Variants in ACOXL observed in about 807,000 individuals in gnomAD.
ACOXL encodes acyl-coenzyme A oxidase-like protein.
In ACOXL, 70 loss-of-function variants were observed where a neutral mutation model predicts 71.9. The ratio of observed to expected loss-of-function variants is 0.97; its 90% confidence interval spans 0.80 to 1.19. The LOEUF (loss-of-function observed/expected upper bound fraction) is 1.19. ACOXL is among the 50% of genes most tolerant of loss of function. The probability of loss-of-function intolerance (pLI) is 0.00; values close to 1 mark genes in which losing one functional copy is unlikely to be tolerated. For missense variants in ACOXL, 703 were observed against 736.3 expected (o/e 0.95, Z 0.52); for synonymous variants, 253 against 281.6 (o/e 0.90, Z 1.02).
chr2:111,012,795 T>C (rs1024616835), intron 14 of ACOXL, among the ~76,000 whole-genome samples: 5 of 152,196 alleles, frequency 3.3e-5, no homozygotes, highest in Admixed American at 1.3e-4. Flanking sequence ...TGAGGTGCAG[T>C]AAAAGGGATC....
chr2:110,776,536 G>C (rs971025631), intron 2 of ACOXL, among the ~76,000 whole-genome samples: 2 of 152,100 alleles, frequency 1.3e-5, no homozygotes, highest in South Asian at 2.1e-4. Flanking sequence ...CCTAAGAGGT[G>C]GGGGAGCGAG....
intron 11 of ACOXL, among the ~76,000 whole-genome samples, chr2:110,922,131 TG>T (rs2060100845): frequency 6.6e-6 from 1 of 152,244 alleles, no homozygotes; most frequent in Non-Finnish European, 1.5e-5. Context: ...AGAAGGGGGT[TG>T]GCATTTCCAA....
chr2:110,964,360 A>G (rs1273659991), intron 12 of ACOXL, among the ~76,000 whole-genome samples: 1 of 152,220 alleles, frequency 6.6e-6, no homozygotes, highest in Non-Finnish European at 1.5e-5. Flanking sequence ...CTGGCCACTC[A>G]GTGGGGAATT....
At chr2:110,940,719 T>C (rs1167164912) in intron 12 of ACOXL, among the ~76,000 whole-genome samples, 1 of 152,228 alleles carries the variant, frequency 6.6e-6, no homozygotes, top group Non-Finnish European at 1.5e-5. Context: ...TAACACTTGA[T>C]GGTCAATTTT....
intron 9 of ACOXL, among the ~76,000 whole-genome samples, chr2:110,831,804 G>A (rs1225572269): frequency 6.6e-6 from 1 of 152,144 alleles, no homozygotes; most frequent in Non-Finnish European, 1.5e-5. Context: ...CTTTACAAAG[G>A]TGGAAGAGTG....
At chr2:111,079,693 G>T (rs1254444385) in intron 16 of ACOXL, among the ~76,000 whole-genome samples, 4 of 152,086 alleles carry the variant, frequency 2.6e-5, no homozygotes, top group Non-Finnish European at 5.9e-5. Context: ...TTATTTTTCA[G>T]AGTCCTCAAG....
chr2:111,054,533 G>A (rs1224297727), intron 16 of ACOXL, among the ~76,000 whole-genome samples: 1 of 152,178 alleles, frequency 6.6e-6, no homozygotes, highest in Non-Finnish European at 1.5e-5. Context: ...CTCCACTGAT[G>A]GGAGGTGTGG....
At chr2:111,061,418 A>G (rs922618871) in intron 16 of ACOXL, among the ~76,000 whole-genome samples, 4 of 152,170 alleles carry the variant, frequency 2.6e-5, no homozygotes, top group Admixed American at 6.5e-5. Flanking sequence ...GTCCAGTGCA[A>G]ATATCATTTA....
chr2:110,928,031 AG>A (rs924424599), intron 11 of ACOXL, among the ~76,000 whole-genome samples: 1 of 152,196 alleles, frequency 6.6e-6, no homozygotes, highest in Non-Finnish European at 1.5e-5. Flanking sequence ...TGAGTATTTT[AG>A]GGTCTGCCTC....
chr2:110,748,477 T>C (rs1485991293), intron 1 of ACOXL, among the ~76,000 whole-genome samples: 1 of 152,214 alleles, frequency 6.6e-6, no homozygotes, highest in Non-Finnish European at 1.5e-5. Context: ...CTTTGCCAAT[T>C]AGCAGCTGTA....
At chr2:110,794,294 G>A (rs1026299486) in intron 5 of ACOXL, 120 bp downstream of exon 5, 15 of 922,806 alleles carry the variant, frequency 1.6e-5, no homozygotes, top group Non-Finnish European at 2.3e-5. Flanking sequence ...CCAGGGAGCT[G>A]AGATTCAGAT....
At chr2:111,036,418 A>G (rs1302661919) in intron 15 of ACOXL, among the ~76,000 whole-genome samples, 1 of 152,186 alleles carries the variant, frequency 6.6e-6, no homozygotes, top group Non-Finnish European at 1.5e-5. Flanking sequence ...CACCCGTTAA[A>G]TGTGTGGGCA....
At chr2:111,045,710 G>A (rs2065986681) in intron 15 of ACOXL, among the ~76,000 whole-genome samples, 1 of 152,146 alleles carries the variant, frequency 6.6e-6, no homozygotes, top group South Asian at 2.1e-4. Context: ...ACCTGCACTG[G>A]CATAGTAGCC....
At position 111,118,241 on chromosome 2, in the gene ACOXL, A is replaced by C; in HGVS notation, c.*425A>C. Reference sequence around the variant, plus strand: ...GTGAAAGAAAAAAAAAAAAGCAAACACCCTTAGACAAAAGAAAAAAGCTCC... The same window carrying C: ...GTGAAAGAAAAAAAAAAAAGCAAACCCCCTTAGACAAAAGAAAAAAGCTCC... On this transcript the variant is annotated 3_prime_UTR_variant, in exon 18 of 18. Transcript: ENST00000439055. 4 of 192,090 alleles carry C rather than the reference A, an allele frequency of 2.1e-5. No individual in the cohort carries two copies. The highest frequency in any genetic ancestry group is 1.2e-4 in the South Asian group (1 of 8,098). 11.9% of individuals were successfully genotyped at this position (192,090 alleles called of 1,614,324 possible).
chr2:110,964,817 T>C (rs986139317), intron 12 of ACOXL, among the ~76,000 whole-genome samples: 13 of 152,236 alleles, frequency 8.5e-5, no homozygotes, highest in African/African-American at 2.9e-4. Flanking sequence ...TTTCTATGTG[T>C]TGGGAACATT....
At chr2:111,021,727 G>T (rs924649360) in intron 14 of ACOXL, among the ~76,000 whole-genome samples, 2 of 152,154 alleles carry the variant, frequency 1.3e-5, no homozygotes, top group Non-Finnish European at 2.9e-5. Flanking sequence ...GAATCATTTG[G>T]AGTGCAAATA....
rs1474302786 is a variant in ACOXL, at chr2:111,117,476, G to C, written c.1543-140G>C. ...TTCCGAGGGTTATTCATGGCCAACA[G>C]TTTCCACAGGAGAATCCAAAGGGAA... On this transcript the variant is annotated intron_variant, in intron 17 of 17. Coordinates refer to ENST00000439055, the MANE Select transcript of ACOXL (RefSeq NM_001142807.4). 8.0e-6 allele frequency: 7 copies of C among 879,846 alleles called. No individual in the cohort carries two copies. The Admixed American group carries it at 1.3e-4, about 17-fold the overall frequency. The allele number at this position is 879,846 out of a possible 1,614,324, so 54.5% of individuals were successfully genotyped here.
intron 9 of ACOXL, among the ~76,000 whole-genome samples, chr2:110,813,449 C>G (rs1365674076): frequency 1.3e-5 from 2 of 152,112 alleles, no homozygotes; most frequent in East Asian, 3.9e-4. Context: ...GCGCCAGCTG[C>G]CAGCTCATCT....
chr2:110,829,543 CTG>C (rs1372701652), intron 9 of ACOXL, among the ~76,000 whole-genome samples: 1 of 152,232 alleles, frequency 6.6e-6, no homozygotes, highest in East Asian at 1.9e-4. Context: ...AGAGCAGTGT[CTG>C]TAAATGATCG....
Sources: gnomAD v4.1 joint callset for allele counts (sites outside exome capture counted in the v4.1 genomes callset) on GRCh38, gnomAD v4.1.1 for gene constraint, MANE v1.5 for transcripts, NCBI Gene and HGNC (gene_info 2026-07-23, HGNC 2026-07-21) for gene names.